Variants in ZNF283 observed in about 807,000 individuals in gnomAD.
ZNF283 encodes zinc finger protein 41.
A neutral mutation model predicts 9.2 loss-of-function variants in ZNF283; 10 were observed. That is an observed-to-expected ratio of 1.09 (90% CI 0.67 to 1.85). The LOEUF (loss-of-function observed/expected upper bound fraction) is 1.85. Among genes scored for constraint, ZNF283 ranks in the 40% most tolerant of loss-of-function variants. The probability of loss-of-function intolerance (pLI) is 0.00; values close to 1 mark genes in which losing one functional copy is unlikely to be tolerated. For synonymous variants in ZNF283, 234 were observed against 244.1 expected (o/e 0.96, Z 0.38); for missense variants, 631 against 760.1 (o/e 0.83, Z 2.00).
intron 6 of ZNF283, among the ~76,000 whole-genome samples, chr19:43,846,310 T>C (rs2146580904): frequency 6.6e-6 from 1 of 152,338 alleles, no homozygotes; most frequent in African/African-American, 2.4e-5. Flanking sequence ...TTCTGGCTAA[T>C]AAATCTAAGT....
In ZNF283 at chr19:43,831,390, A is replaced by G; in HGVS notation, c.-1+9A>G. On this transcript the variant is annotated intron_variant, in intron 3 of 6. Coordinates refer to ENST00000618787, the MANE Select transcript of ZNF283 (RefSeq NM_181845.2). ...AGGATGTTCGAGAGCTGGTAGGTGT[A>G]AATTGTTTCAGGCCCACTGATTTTC... 1 of 1,592,138 alleles carries G rather than the reference A, an allele frequency of 6.3e-7. No individual in the cohort carries two copies. Among genetic ancestry groups the G allele is most frequent in the South Asian group, 1.1e-5 (1 of 89,602 alleles).
chr19:43,839,829 T>G (rs1300258664), intron 6 of ZNF283, among the ~76,000 whole-genome samples: 1 of 152,184 alleles, frequency 6.6e-6, no homozygotes, highest in African/African-American at 2.4e-5. Context: ...TTTTCCTGAT[T>G]TCCTTTAGCT....
At position 43,848,301 on chromosome 19, in the gene ZNF283, G is replaced by A. The variant is rs1323729067; in HGVS notation, c.1700G>A (p.Gly567Asp). Reference protein sequence around the residue: ...HLTQHQKIHTGEKPFKCKECG... With the variant: ...HLTQHQKIHTDEKPFKCKECG... Reference sequence around the variant, plus strand: ...ACTCAACATCAGAAAATTCATACCGGTGAGAAACCTTTCAAATGTAAGGAA... The same window carrying A: ...ACTCAACATCAGAAAATTCATACCGATGAGAAACCTTTCAAATGTAAGGAA... The change falls in exon 7 of 7, where the codon GGT becomes GAT. Residue 567 changes from glycine (G) to aspartate (D), a missense_variant. Gly to Asp is a moderately conservative substitution (Grantham distance 94, BLOSUM62 -1). This residue lies in a region of ZNF283 where 444 missense variants were observed against 522.5 expected (regional missense o/e 0.85). Coordinates refer to ENST00000618787, the MANE Select transcript of ZNF283 (RefSeq NM_181845.2). 6.2e-7 allele frequency: 1 copy of A among 1,613,512 alleles called. No homozygotes were observed. Among genetic ancestry groups the A allele is most frequent in the Admixed American group, 1.7e-5 (1 of 59,902 alleles).
At position 43,848,590 on chromosome 19, in the gene ZNF283, T is replaced by C. The variant is rs977577689; in HGVS notation, c.1989T>C (p.Phe663=). 9.7e-5 allele frequency: 154 copies of C among 1,585,686 alleles called. No homozygotes were observed. The highest frequency in any genetic ancestry group is 1.3e-4 in the Non-Finnish European group (151 of 1,163,012). Residue 663 remains phenylalanine (F), a synonymous_variant, in exon 7 of 7, where the codon TTT becomes TTC. Coordinates refer to ENST00000618787, the MANE Select transcript of ZNF283 (RefSeq NM_181845.2). ...AATATAACGAATGTGGGGAAGCCTTTCTGTGGACAACTTACTCAAATGAGA... is the reference window on the plus strand; with the variant it reads ...AATATAACGAATGTGGGGAAGCCTTCCTGTGGACAACTTACTCAAATGAGA... ...PYKYNECGEA[F]LWTTYSNEKI...
chr19:43,842,623 CT>C (rs1468445350), intron 6 of ZNF283, among the ~76,000 whole-genome samples: 2 of 152,216 alleles, frequency 1.3e-5, no homozygotes, highest in African/African-American at 2.4e-5. Flanking sequence ...AAACTGTGGA[CT>C]GAAGACCCCT....
intron 3 of ZNF283, 126 bp downstream of exon 3, chr19:43,831,507 C>A: frequency 2.5e-6 from 2 of 785,948 alleles, no homozygotes; most frequent in South Asian, 1.8e-5. Context: ...CTTTATAGTT[C>A]CAATTATGGA....
chr19:43,848,686 TATCATA>T lies in ZNF283; in HGVS notation c.*48_*53del, dbSNP rs748911757. 29 of 1,480,396 alleles carry T rather than the reference TATCATA, an allele frequency of 2.0e-5. No homozygotes were observed. In the African/African-American group the frequency reaches 3.7e-4, roughly 19 times the overall value. The allele number at this position is 1,480,396 out of a possible 1,614,324, so 91.7% of individuals were successfully genotyped here. ...ATTTTGTGTGTGTGTATAGACAACTTATCATAATAAGAACTCTTACTCTTGAGAAAC... is the reference window on the plus strand; with the variant it reads ...ATTTTGTGTGTGTGTATAGACAACTTATAAGAACTCTTACTCTTGAGAAAC... On this transcript the variant is annotated 3_prime_UTR_variant, in exon 7 of 7. Transcript: ENST00000618787.
chr19:43,829,533 C>T (rs542822000), intron 2 of ZNF283, among the ~76,000 whole-genome samples: 1 of 152,260 alleles, frequency 6.6e-6, no homozygotes, highest in Admixed American at 6.5e-5. Flanking sequence ...AGGATAGTAC[C>T]TACCTAATGG....
At position 43,838,642 on chromosome 19, in the gene ZNF283, T is replaced by C. The variant is rs113666207; in HGVS notation, c.337+1463T>C. 2.9e-4 allele frequency among the ~76,000 whole-genome samples: 44 copies of C among 152,210 alleles called. 1 individual carries two copies. Among genetic ancestry groups the C allele is most frequent in the African/African-American group, 9.9e-4 (41 of 41,546 alleles). On this transcript the variant is annotated intron_variant, in intron 6 of 6. Transcript: ENST00000618787. ...GACCCTACCTCAATAAATAAATAAA[T>C]ATTGTGTTCCTCTTTAAACTTTCCA...
rs1327506262 is a variant in ZNF283 at position 43,833,605 on chromosome 19, T to G, written c.101T>G (p.Leu34Arg). The G allele has an allele frequency of 1.2e-5, 2 of 161,202 alleles. No individual in the cohort carries two copies. Among genetic ancestry groups the G allele is most frequent in the Non-Finnish European group, 2.7e-5 (2 of 74,312 alleles). The allele number at this position is 161,202 out of a possible 1,614,324, so 10.0% of individuals were successfully genotyped here. A position where few individuals can be genotyped will look rare whatever the true frequency, so the allele number is the denominator to read the frequency against. ...PGFTLFSCLS[L>R]LSSWDYSSGF... is the part of the protein sequence containing the mutation. ...TTCACGCTATTCTCCTGCCTCAGCCTCCTGAGTAGCTGGGACTACAGGTGC... is the reference window on the plus strand; with the variant it reads ...TTCACGCTATTCTCCTGCCTCAGCCGCCTGAGTAGCTGGGACTACAGGTGC... The change falls in exon 4 of 7, where the codon CTC becomes CGC. Residue 34 changes from leucine to arginine, a missense_variant. Physicochemically the swap from Leu to Arg is moderately radical, Grantham distance 102. Around this residue, in one of 3 missense-constraint regions of ZNF283, gnomAD observed 184 missense variants for 220.0 expected, o/e 0.84. Coordinates refer to ENST00000618787, the MANE Select transcript of ZNF283 (RefSeq NM_181845.2).
At position 43,839,335 on chromosome 19, in the gene ZNF283, G is replaced by A. The variant is rs376598; in HGVS notation, c.337+2156G>A. On this transcript the variant is annotated intron_variant, in intron 6 of 6. Transcript: ENST00000618787. ...GCTGTTAATCTTGTTGCAGATTCTT[G>A]TATGTGGTAGGCTGCTGCTTTCTTC... Among the ~76,000 whole-genome samples, 5 of 151,808 alleles carry A rather than the reference G, an allele frequency of 3.3e-5. No homozygotes were observed. The South Asian group carries it at 8.3e-4, about 25-fold the overall frequency.
Position 43,847,641 on chromosome 19 carries a change from A to G in ZNF283, c.1040A>G (p.Tyr347Cys). 2 of 1,613,552 alleles carry G rather than the reference A, an allele frequency of 1.2e-6. No individual in the cohort carries two copies. Among genetic ancestry groups the G allele is most frequent in the African/African-American group, 1.3e-5 (1 of 74,952 alleles). Residue 347 changes from tyrosine (Y) to cysteine (C), a missense_variant, in exon 7 of 7, where the codon TAT becomes TGT. Coordinates refer to ENST00000618787, the MANE Select transcript of ZNF283 (RefSeq NM_181845.2). ...ATAATTCATACAGGTGAGAAACCTT[A>G]TAAATGTAAAGAATGTGGGAAGGCC... The part of the protein sequence containing the change: ...HEIIHTGEKP[Y>C]KCKECGKAFS...
chr19:43,846,790 G>A (rs1971414332), intron 6 of ZNF283, 149 bp from the exon 7 acceptor site: 1 of 593,932 alleles, frequency 1.7e-6, no homozygotes, highest in East Asian at 3.0e-5. Context: ...CAAAATCAAG[G>A]CTGAGTTTGT....
At chr19:43,840,710 G>C (rs942326953) in intron 6 of ZNF283, 4 of 152,368 alleles carry the variant, frequency 2.6e-5, no homozygotes, top group African/African-American at 9.7e-5. Context: ...TTTTGAGATG[G>C]AGTCTTGCTC....
intron 4 of ZNF283, 137 bp from the exon 5 acceptor site, chr19:43,835,368 G>A: frequency 1.6e-6 from 1 of 615,066 alleles, no homozygotes; most frequent in South Asian, 2.0e-5. Flanking sequence ...GGGTTTAGGT[G>A]AAAGTTTGAA....
At chr19:43,836,630 T>A (rs1052266315) in intron 5 of ZNF283, among the ~76,000 whole-genome samples, 7 of 152,172 alleles carry the variant, frequency 4.6e-5, no homozygotes, top group African/African-American at 1.7e-4. Flanking sequence ...GCATGAACCA[T>A]TGCACCTGGC....
At chr19:43,836,856 A>G (rs545008008) in intron 5 of ZNF283, among the ~76,000 whole-genome samples, 197 bp from the exon 6 acceptor site, 1 of 152,330 alleles carries the variant, frequency 6.6e-6, no homozygotes, top group East Asian at 1.9e-4. Flanking sequence ...CTGCTATAAC[A>G]AGATTCTCGT....
At chr19:43,837,365 A>G (rs1971026682) in intron 6 of ZNF283, 186 bp downstream of exon 6, 1 of 541,452 alleles carries the variant, frequency 1.8e-6, no homozygotes, top group Non-Finnish European at 3.1e-6. Flanking sequence ...CCCATCCCTC[A>G]GTGAGCTTTA....
chr19:43,836,996 T>C (rs1971007934), intron 5 of ZNF283, 57 bp from the exon 6 acceptor site: 1 of 1,598,010 alleles, frequency 6.3e-7, no homozygotes, highest in Non-Finnish European at 8.6e-7. Flanking sequence ...CCCTCTTTTT[T>C]CCTCTTGGAA....
Sources: gnomAD v4.1 joint callset for allele counts (sites outside exome capture counted in the v4.1 genomes callset) on GRCh38, gnomAD v4.1.1 for gene constraint, gnomAD v4.1.1 regional missense constraint, MANE v1.5 for transcripts, NCBI Gene and HGNC (gene_info 2026-07-23, HGNC 2026-07-21) for gene names.